The following TMCC1 variants were observed in gnomAD, a reference collection of about 807,000 sequenced individuals.
TMCC1 encodes transmembrane and coiled-coil domains protein 1.
Under a neutral mutation model 52.4 loss-of-function variants are expected in TMCC1, and 15 were observed. That is an observed-to-expected ratio of 0.29 (90% confidence interval 0.19 to 0.44). TMCC1 has a LOEUF of 0.44. TMCC1 is among the 20% of genes least tolerant of loss of function. The pLI is 1.00. For synonymous variants in TMCC1, 279 were observed against 301.9 expected (o/e 0.92, Z 0.79); for missense variants, 503 against 806.0 (o/e 0.62, Z 4.55).
chr3:129,727,628 A>G (rs954587870), intron 4 of TMCC1, among the ~76,000 whole-genome samples: 1 of 152,130 alleles, frequency 6.6e-6, no homozygotes. Context: ...GTTTCTTGCT[A>G]AAGTAATATA....
chr3:129,763,512 C>T (rs2053812687), intron 4 of TMCC1, among the ~76,000 whole-genome samples: 1 of 126,138 alleles, frequency 7.9e-6, no homozygotes, highest in Non-Finnish European at 1.6e-5. Context: ...CACTGCACTC[C>T]AGCCTGGATG....
At chr3:129,691,148 C>A (rs1484823332) in intron 4 of TMCC1, among the ~76,000 whole-genome samples, 1 of 152,218 alleles carries the variant, frequency 6.6e-6, no homozygotes, top group Non-Finnish European at 1.5e-5. Flanking sequence ...CATTTGAGGT[C>A]TCTACAGAAG....
chr3:129,755,670 T>C (rs2052933205), intron 4 of TMCC1, among the ~76,000 whole-genome samples: 1 of 151,986 alleles, frequency 6.6e-6, no homozygotes, highest in South Asian at 2.1e-4. Flanking sequence ...AACAGGAAAG[T>C]GGAAATTAAA....
At chr3:129,671,372 T>TAGG in intron 4 of TMCC1, 108 bp from the exon 5 acceptor site, 1 of 1,163,316 alleles carries the variant, frequency 8.6e-7, no homozygotes, top group Non-Finnish European at 1.2e-6. Context: ...TCTCAGTAGA[T>TAGG]AACTGACCTA....
chr3:129,761,198 G>A (rs1391005008), intron 4 of TMCC1, among the ~76,000 whole-genome samples: 1 of 152,040 alleles, frequency 6.6e-6, no homozygotes, highest in East Asian at 1.9e-4. Context: ...CGTAGTGGCA[G>A]GCGCCTGTGG....
chr3:129,692,838 T>G (rs922396334), intron 4 of TMCC1, among the ~76,000 whole-genome samples: 1 of 152,034 alleles, frequency 6.6e-6, no homozygotes, highest in Non-Finnish European at 1.5e-5. Context: ...AGACAAATCA[T>G]TTATTTATTT....
At position 129,791,088 on chromosome 3, in the gene TMCC1, ATT is replaced by A. The variant is rs34048545; in HGVS notation, c.576+36713_576+36714del. Among the ~76,000 whole-genome samples, 366 of 82,974 alleles carry A rather than the reference ATT, an allele frequency of 4.4e-3. 2 individuals are homozygous for A. The highest frequency in any genetic ancestry group is 0.021 in the East Asian group (73 of 3,466). The allele number at this position is 82,974 out of a possible 152,430, so 54.4% of individuals were successfully genotyped here. On this transcript the variant is annotated intron_variant, in intron 4 of 6. Coordinates refer to ENST00000393238, the MANE Select transcript of TMCC1 (RefSeq NM_001017395.5). ...TAGAGAGAATGATTGACACTCCATA[ATT>A]TTTTTTTTTTTTTTTTTTTTTGAGA...
intron 2 of TMCC1, among the ~76,000 whole-genome samples, chr3:129,870,137 A>C (rs2060841455): frequency 1.3e-5 from 2 of 152,262 alleles, no homozygotes; most frequent in South Asian, 4.1e-4. Flanking sequence ...TAATAAAAAT[A>C]AAATATAAAG....
intron 4 of TMCC1, among the ~76,000 whole-genome samples, chr3:129,678,139 C>T (rs181986128): frequency 1.3e-5 from 2 of 151,446 alleles, no homozygotes; most frequent in African/African-American, 2.4e-5. Flanking sequence ...AGGCTGGTCT[C>T]GAACTCCTGG....
At chr3:129,842,095 G>A (rs2059445396) in intron 2 of TMCC1, among the ~76,000 whole-genome samples, 1 of 152,092 alleles carries the variant, frequency 6.6e-6, no homozygotes, top group Non-Finnish European at 1.5e-5. Context: ...AAACTGATAG[G>A]TATGACAGAA....
chr3:129,828,580 G>A lies in TMCC1; in HGVS notation c.-130-72C>T. The A allele has an allele frequency of 1.9e-6, 1 of 513,516 alleles. No individual in the cohort carries two copies. The highest frequency in any genetic ancestry group is 3.4e-6 in the Non-Finnish European group (1 of 297,444). The allele number at this position is 513,516 out of a possible 1,614,324, so 31.8% of individuals were successfully genotyped here. On this transcript the variant is annotated intron_variant, in intron 3 of 6. Transcript: ENST00000393238. This position sits in a 1 kb window ranked among gnomAD's most constrained non-coding sequence, Gnocchi z 4.1. ...ATTATAAATCCATGCAGAAACTCCAGTGTTAAAACAAAGAAAAACATGCTA... is the reference window on the plus strand; with the variant it reads ...ATTATAAATCCATGCAGAAACTCCAATGTTAAAACAAAGAAAAACATGCTA...
At chr3:129,810,039 C>T (rs1045391106) in intron 4 of TMCC1, among the ~76,000 whole-genome samples, 17 of 152,126 alleles carry the variant, frequency 1.1e-4, no homozygotes, top group African/African-American at 3.9e-4. Context: ...CCTAAGGCAA[C>T]AAAAGATACT....
intron 4 of TMCC1, among the ~76,000 whole-genome samples, chr3:129,793,856 C>T (rs2056637000): frequency 6.6e-6 from 1 of 152,162 alleles, no homozygotes; most frequent in Non-Finnish European, 1.5e-5. Flanking sequence ...AACACAACCA[C>T]TCATTTTAAC....
intron 4 of TMCC1, among the ~76,000 whole-genome samples, chr3:129,787,635 CATA>C (rs763991225): frequency 6.6e-6 from 1 of 152,076 alleles, no homozygotes; most frequent in Non-Finnish European, 1.5e-5. Flanking sequence ...AGCAATTTGG[CATA>C]ATGAGTAAAA....
At chr3:129,842,361 G>A (rs1046114827) in intron 2 of TMCC1, among the ~76,000 whole-genome samples, 13 of 152,098 alleles carry the variant, frequency 8.5e-5, no homozygotes, top group African/African-American at 2.9e-4. Context: ...AGCTACTCAG[G>A]AGACTGAGGC....
At chr3:129,771,103 C>A (rs1387608702) in intron 4 of TMCC1, among the ~76,000 whole-genome samples, 1 of 152,188 alleles carries the variant, frequency 6.6e-6, no homozygotes, top group Non-Finnish European at 1.5e-5. Flanking sequence ...TGGTCCCCAG[C>A]TAGAATACTC....
chr3:129,799,619 G>A (rs1003650928), intron 4 of TMCC1, among the ~76,000 whole-genome samples: 3 of 152,092 alleles, frequency 2.0e-5, no homozygotes, highest in Admixed American at 6.6e-5. Flanking sequence ...GACCATCCTG[G>A]CTAAAACGGT....
chr3:129,799,502 T>A (rs2057049300), intron 4 of TMCC1, among the ~76,000 whole-genome samples: 1 of 152,154 alleles, frequency 6.6e-6, no homozygotes, highest in Non-Finnish European at 1.5e-5. Flanking sequence ...TTTCCTAACA[T>A]GTCCTTACTT....
chr3:129,796,553 C>G (rs1187483542), intron 4 of TMCC1, among the ~76,000 whole-genome samples: 1 of 152,128 alleles, frequency 6.6e-6, no homozygotes, highest in African/African-American at 2.4e-5. Flanking sequence ...GGTTCAGTGG[C>G]TCATACCTGT....
Sources: gnomAD v4.1 joint callset for allele counts (sites outside exome capture counted in the v4.1 genomes callset) on GRCh38, gnomAD v4.1.1 for gene constraint, Gnocchi (gnomAD v3.1) non-coding constraint, MANE v1.5 for transcripts, NCBI Gene and HGNC (gene_info 2026-07-23, HGNC 2026-07-21) for gene names.